NCAM2: variants seen among roughly 807,000 people sequenced by gnomAD.
NCAM2 encodes neural cell adhesion molecule 2.
Under a neutral mutation model 98.1 loss-of-function variants are expected in NCAM2, and 30 were observed. The observed-to-expected ratio is 0.31, with a 90% CI of 0.23 to 0.41. The LOEUF is 0.41. Ranked by LOEUF, NCAM2 falls within the 10% of genes least tolerant of loss-of-function variation. The probability of loss-of-function intolerance (pLI) is 1.00; values close to 1 mark genes in which losing one functional copy is unlikely to be tolerated. For missense variants in NCAM2, 867 were observed against 1,005.8 expected (o/e 0.86, Z 1.87); for synonymous variants, 368 against 342.4 (o/e 1.07, Z -0.83).
intron 9 of NCAM2, among the ~76,000 whole-genome samples, chr21:21,374,967 C>A (rs1337490382): frequency 6.6e-6 from 1 of 151,190 alleles, no homozygotes; most frequent in East Asian, 2.0e-4. Flanking sequence ...TCAAGAAATT[C>A]ATGGAAAGAC....
intron 1 of NCAM2, among the ~76,000 whole-genome samples, chr21:21,096,395 C>T (rs1246105513): frequency 6.6e-6 from 1 of 151,618 alleles, no homozygotes; most frequent in Non-Finnish European, 1.5e-5. Flanking sequence ...GTAAACAAAT[C>T]ATTTGAAAAC....
intron 1 of NCAM2, among the ~76,000 whole-genome samples, chr21:21,057,307 A>G (rs2065231149): frequency 6.6e-6 from 1 of 152,154 alleles, no homozygotes. Context: ...AACTATTGAG[A>G]TGTAACAAAG....
intron 11 of NCAM2, among the ~76,000 whole-genome samples, chr21:21,424,951 G>T (rs1368958149): frequency 6.9e-6 from 1 of 144,216 alleles, no homozygotes; most frequent in Non-Finnish European, 1.5e-5. Flanking sequence ...CAGGAGAATT[G>T]CTTGAATCCA....
intron 15 of NCAM2, 134 bp downstream of exon 15, chr21:21,477,605 C>A: frequency 1.4e-6 from 1 of 725,256 alleles, no homozygotes; most frequent in Non-Finnish European, 2.1e-6. Context: ...ATTATTGTGA[C>A]ATATCATACA....
chr21:21,515,369 G>A (rs1483380189), intron 16 of NCAM2, among the ~76,000 whole-genome samples: 1 of 152,102 alleles, frequency 6.6e-6, no homozygotes, highest in African/African-American at 2.4e-5. Flanking sequence ...TCAGTAAAGA[G>A]TTATTCATTA....
chr21:21,307,907 A>T (rs2073934158), intron 5 of NCAM2, among the ~76,000 whole-genome samples: 1 of 152,122 alleles, frequency 6.6e-6, no homozygotes, highest in Non-Finnish European at 1.5e-5. Flanking sequence ...TAGATAATTC[A>T]TGATAATTTC....
At chr21:21,115,943 G>A (rs1292161037) in intron 1 of NCAM2, among the ~76,000 whole-genome samples, 10 of 137,384 alleles carry the variant, frequency 7.3e-5, no homozygotes, top group East Asian at 4.7e-4. Context: ...CTTCAGGTCC[G>A]CTTCTCTGAG....
chr21:21,382,025 C>G (rs543891413), intron 9 of NCAM2, among the ~76,000 whole-genome samples: 1 of 152,206 alleles, frequency 6.6e-6, no homozygotes, highest in African/African-American at 2.4e-5. Context: ...TCACTATCTT[C>G]TAGTCTCCTC....
chr21:21,259,842 C>A (rs1426362531), intron 1 of NCAM2, among the ~76,000 whole-genome samples: 1 of 151,592 alleles, frequency 6.6e-6, no homozygotes, highest in Non-Finnish European at 1.5e-5. Flanking sequence ...AACAACCATA[C>A]ACAACATAAA....
At chr21:21,033,995 G>A (rs968823268) in intron 1 of NCAM2, among the ~76,000 whole-genome samples, 4 of 151,562 alleles carry the variant, frequency 2.6e-5, no homozygotes, top group African/African-American at 9.7e-5. Flanking sequence ...ATATTAAAGT[G>A]GGATTGGTAC....
intron 15 of NCAM2, among the ~76,000 whole-genome samples, chr21:21,507,442 G>C (rs1315600889): frequency 6.6e-6 from 1 of 151,984 alleles, no homozygotes; most frequent in Non-Finnish European, 1.5e-5. Context: ...TTTCACATCA[G>C]TTACATATTT....
chr21:21,522,637 T>TCTTTTTC (rs1569136875), intron 16 of NCAM2, among the ~76,000 whole-genome samples: 2 of 146,850 alleles, frequency 1.4e-5, no homozygotes, highest in South Asian at 4.4e-4. Context: ...TTTTTCTTTT[T>TCTTTTTC]TTTTTTTTTT....
At chr21:21,326,083 G>T (rs1175236891) in intron 6 of NCAM2, among the ~76,000 whole-genome samples, 1 of 152,246 alleles carries the variant, frequency 6.6e-6, no homozygotes, top group African/African-American at 2.4e-5. Flanking sequence ...GCATTCAAGA[G>T]GAAGAAAGGA....
At chr21:21,231,219 A>G (rs1306305846) in intron 1 of NCAM2, among the ~76,000 whole-genome samples, 1 of 151,288 alleles carries the variant, frequency 6.6e-6, no homozygotes, top group African/African-American at 2.4e-5. Flanking sequence ...GGAGCAGTAA[A>G]TTTAGCAGAA....
At chr21:21,008,975 C>T (rs752996708) in intron 1 of NCAM2, among the ~76,000 whole-genome samples, 1 of 152,158 alleles carries the variant, frequency 6.6e-6, no homozygotes, top group Non-Finnish European at 1.5e-5. Context: ...TACCTGAATT[C>T]TGCACTTCAA....
At chr21:21,459,899 G>A (rs1947661) in intron 12 of NCAM2, among the ~76,000 whole-genome samples, 146,271 of 151,986 alleles carry the variant, frequency 0.96, 70,623 homozygotes, top group East Asian at 1. Flanking sequence ...AGTTAACAAT[G>A]CATATTAAAA....
At chr21:21,516,884 T>G in intron 16 of NCAM2, among the ~76,000 whole-genome samples, 1 of 152,156 alleles carries the variant, frequency 6.6e-6, no homozygotes. Context: ...CTGTATCATC[T>G]TTTTTCTCTG....
intron 12 of NCAM2, among the ~76,000 whole-genome samples, chr21:21,456,608 G>C (rs1482598809): frequency 6.6e-6 from 1 of 152,070 alleles, no homozygotes; most frequent in Admixed American, 6.6e-5. Context: ...ACTCAAAATA[G>C]ATTAAAGACT....
intron 8 of NCAM2, among the ~76,000 whole-genome samples, chr21:21,366,726 A>T (rs551306532): frequency 1.3e-5 from 2 of 152,192 alleles, no homozygotes; most frequent in African/African-American, 4.8e-5. Context: ...GTAATTTTAC[A>T]AGAAGACAAG....
Sources: allele counts gnomAD v4.1 joint callset (sites outside exome capture counted in the v4.1 genomes callset), GRCh38; gene constraint gnomAD v4.1.1; transcripts MANE v1.5; gene names NCBI Gene and HGNC (gene_info 2026-07-23, HGNC 2026-07-21).